Variants in GABRA4 observed in about 807,000 individuals in gnomAD.
GABRA4 encodes gamma-aminobutyric acid type A receptor subunit alpha4.
A neutral mutation model predicts 49.7 loss-of-function variants in GABRA4; 12 were observed. The observed-to-expected ratio is 0.24, with a 90% CI of 0.15 to 0.39. GABRA4 has a LOEUF of 0.39. Ranked by LOEUF, GABRA4 falls within the 10% of genes least tolerant of loss-of-function variation. The probability of loss-of-function intolerance (pLI) is 1.00; values close to 1 mark genes in which losing one functional copy is unlikely to be tolerated. For missense variants in GABRA4, 506 were observed against 686.0 expected (o/e 0.74, Z 2.93); for synonymous variants, 288 against 240.2 (o/e 1.20, Z -1.84).
intron 8 of GABRA4, among the ~76,000 whole-genome samples, chr4:46,950,834 A>G (rs568359394): frequency 1.8e-4 from 27 of 152,126 alleles, no homozygotes; most frequent in Admixed American, 1.0e-3. Context: ...TACTCCTTCA[A>G]AGCAAGATAT....
chr4:46,932,521 G>A (rs1489510846), intron 8 of GABRA4, among the ~76,000 whole-genome samples: 1 of 152,048 alleles, frequency 6.6e-6, no homozygotes, highest in Non-Finnish European at 1.5e-5. Context: ...AAAAAATACA[G>A]CATGTCCTTT....
chr4:46,961,144 G>T (rs1722559114), intron 8 of GABRA4, among the ~76,000 whole-genome samples: 1 of 151,768 alleles, frequency 6.6e-6, no homozygotes, highest in African/African-American at 2.4e-5. Flanking sequence ...TTCATTTAAA[G>T]GAAAATATAA....
chr4:46,928,373 G>A lies in GABRA4; in HGVS notation c.1517C>T (p.Ser506Leu), dbSNP rs200779015. The A allele has an allele frequency of 2.7e-5, 44 of 1,613,568 alleles. No individual in the cohort carries two copies. Among genetic ancestry groups the A allele is most frequent in the Admixed American group, 5.0e-5 (3 of 59,940 alleles). ...TGKLSATPPP[S>L]APPPSGSGTS... ...GCCAGATCCAGAAGGTGGTGGAGCCGATGGAGGAGGAGTAGCTGACAACTT... is the reference window on the plus strand; with the variant it reads ...GCCAGATCCAGAAGGTGGTGGAGCCAATGGAGGAGGAGTAGCTGACAACTT... The change falls in exon 9 of 9, where the codon TCG becomes TTG. Residue 506 changes from serine to leucine, a missense_variant. Around this residue, in one of 5 missense-constraint regions of GABRA4, gnomAD observed 243 missense variants for 210.8 expected, o/e 1.15. Coordinates refer to ENST00000264318, the MANE Select transcript of GABRA4 (RefSeq NM_000809.4).
intron 8 of GABRA4, among the ~76,000 whole-genome samples, chr4:46,942,544 G>A (rs1390002017): frequency 6.6e-6 from 1 of 151,436 alleles, no homozygotes; most frequent in East Asian, 2.0e-4. Context: ...AGAATTGCTT[G>A]AACGCGGAAG....
In GABRA4 at chr4:46,926,858, A is replaced by G. The variant is rs1721249320; in HGVS notation, c.*1367T>C. 1.3e-5 allele frequency: 2 copies of G among 151,940 alleles called. No individual in the cohort carries two copies. The highest frequency in any genetic ancestry group is 2.9e-5 in the Non-Finnish European group (2 of 67,914). The allele number at this position is 151,940 out of a possible 1,614,324, so 9.4% of individuals were successfully genotyped here. A position where few individuals can be genotyped will look rare whatever the true frequency, so the allele number is the denominator to read the frequency against. On this transcript the variant is annotated 3_prime_UTR_variant, in exon 9 of 9. Coordinates refer to ENST00000264318, the MANE Select transcript of GABRA4 (RefSeq NM_000809.4). ...AGCAGAGTCAGTGGCATCCTACCCG[A>G]CAGCTATTTTTTTCTTTACTCCTTT... is the stretch of plus-strand genomic sequence containing the variant.
At chr4:46,953,147 C>A (rs1722230469) in intron 8 of GABRA4, among the ~76,000 whole-genome samples, 1 of 152,080 alleles carries the variant, frequency 6.6e-6, no homozygotes, top group Admixed American at 6.6e-5. Context: ...AGACCATAAA[C>A]ATTACAAACC....
intron 7 of GABRA4, among the ~76,000 whole-genome samples, chr4:46,965,474 C>T (rs1193052992): frequency 1.3e-5 from 2 of 151,730 alleles, no homozygotes; most frequent in African/African-American, 4.8e-5. Flanking sequence ...ATATGTCCTG[C>T]CTTGAGTTTG....
At chr4:46,947,577 AAAGG>A (rs568842209) in intron 8 of GABRA4, among the ~76,000 whole-genome samples, 5 of 151,884 alleles carry the variant, frequency 3.3e-5, no homozygotes, top group African/African-American at 1.2e-4. Context: ...AAGGCGCAAA[AAAGG>A]AAGGAAGGAA....
At chr4:46,939,358 T>C (rs1721713887) in intron 8 of GABRA4, among the ~76,000 whole-genome samples, 1 of 152,026 alleles carries the variant, frequency 6.6e-6, no homozygotes, top group African/African-American at 2.4e-5. Flanking sequence ...CTACAATGTA[T>C]TGAGCCCTTA....
In GABRA4 at chr4:46,920,625, A is replaced by G. The variant is rs1374526810; in HGVS notation, c.*7600T>C. 6.6e-6 allele frequency: 1 copy of G among 151,756 alleles called. No individual in the cohort carries two copies. The highest frequency in any genetic ancestry group is 1.9e-4 in the East Asian group (1 of 5,178). The allele number at this position is 151,756 out of a possible 1,614,324, so 9.4% of individuals were successfully genotyped here. ...ACATTATCTCCATATTTTACATTCT[A>G]TTTTGCTGACACCATTTGTTTATCC... On this transcript the variant is annotated 3_prime_UTR_variant, in exon 9 of 9. Coordinates refer to ENST00000264318, the MANE Select transcript of GABRA4 (RefSeq NM_000809.4).
At chr4:46,970,977 A>G in intron 7 of GABRA4, 106 bp downstream of exon 7, 3 of 1,008,824 alleles carry the variant, frequency 3.0e-6, no homozygotes, top group Non-Finnish European at 4.3e-6. Flanking sequence ...TTCCTTATTC[A>G]GGATAGCCTG....
chr4:46,967,635 G>T (rs564721529), intron 7 of GABRA4, among the ~76,000 whole-genome samples: 1 of 151,752 alleles, frequency 6.6e-6, no homozygotes, highest in East Asian at 2.0e-4. Flanking sequence ...TTCAGAATAA[G>T]AATCCATGCT....
chr4:46,969,715 T>C (rs974409147), intron 7 of GABRA4, among the ~76,000 whole-genome samples: 4 of 151,520 alleles, frequency 2.6e-5, no homozygotes, highest in African/African-American at 4.8e-5. Context: ...GGGTGAGATG[T>C]ATTATCATAA....
chr4:46,929,862 A>G (rs1721368054), intron 8 of GABRA4, among the ~76,000 whole-genome samples: 1 of 152,106 alleles, frequency 6.6e-6, no homozygotes, highest in Non-Finnish European at 1.5e-5. Flanking sequence ...GAGGAAAGAG[A>G]AAGAAGAGCA....
At chr4:46,980,373 CAAAAAA>C (rs35377347) in intron 2 of GABRA4, among the ~76,000 whole-genome samples, 1 of 127,236 alleles carries the variant, frequency 7.9e-6, no homozygotes. Flanking sequence ...CGATTTATGC[CAAAAAA>C]AAAAAAAAAA....
At chr4:46,930,076 TCGC>T (rs1443248250) in intron 8 of GABRA4, among the ~76,000 whole-genome samples, 1 of 152,110 alleles carries the variant, frequency 6.6e-6, no homozygotes, top group East Asian at 1.9e-4. Context: ...GACTTCAAGG[TCGC>T]TGAGTAGAGA....
At chr4:46,958,399 C>T (rs1577769477) in intron 8 of GABRA4, among the ~76,000 whole-genome samples, 2 of 151,916 alleles carry the variant, frequency 1.3e-5, no homozygotes, top group South Asian at 4.2e-4. Flanking sequence ...TGGATAAGAA[C>T]TAAAGAATAT....
chr4:46,967,529 C>A (rs1050241182), intron 7 of GABRA4, among the ~76,000 whole-genome samples: 1 of 151,486 alleles, frequency 6.6e-6, no homozygotes, highest in African/African-American at 2.4e-5. Context: ...GAGGATAGAT[C>A]ACCAGGTTCA....
chr4:46,972,600 T>C (rs1722988098), intron 6 of GABRA4, among the ~76,000 whole-genome samples: 1 of 151,576 alleles, frequency 6.6e-6, no homozygotes, highest in Non-Finnish European at 1.5e-5. Context: ...TATTATCTTC[T>C]GTGATAAGAA....
Sources: allele counts gnomAD v4.1 joint callset (sites outside exome capture counted in the v4.1 genomes callset), GRCh38; gene constraint gnomAD v4.1.1; regional missense constraint gnomAD v4.1.1; transcripts MANE v1.5; gene names NCBI Gene and HGNC (gene_info 2026-07-23, HGNC 2026-07-21).